Variants in CCDC63 observed in about 807,000 individuals in gnomAD.
CCDC63 encodes the protein coiled-coil domain containing 63.
In CCDC63, 54 loss-of-function variants were observed where a neutral mutation model predicts 63.6. The ratio of observed to expected loss-of-function variants is 0.85; its 90% CI spans 0.68 to 1.07. The LOEUF (loss-of-function observed/expected upper bound fraction) is 1.07. Ranked by LOEUF, CCDC63 falls within the 50% of genes least tolerant of loss-of-function variation. The pLI, the probability that CCDC63 is intolerant of heterozygous loss-of-function variation, is 0.00. For missense variants in CCDC63, 637 were observed against 689.6 expected, an observed-to-expected ratio of 0.92 and a Z score of 0.86; for synonymous variants, 253 against 266.1, an observed-to-expected ratio of 0.95 and a Z score of 0.48.
chr12:110,875,022 T>C (rs1014175429), intron 5 of CCDC63, among the ~76,000 whole-genome samples: 2 of 152,228 alleles, frequency 1.3e-5, no homozygotes, highest in Non-Finnish European at 2.9e-5. Context: ...AGAAAGCCTG[T>C]CATTCCTTCA....
At chr12:110,880,452 A>T (rs1191146228) in intron 6 of CCDC63, among the ~76,000 whole-genome samples, 1 of 151,946 alleles carries the variant, frequency 6.6e-6, no homozygotes, top group Non-Finnish European at 1.5e-5. Context: ...GTCCAAGGGG[A>T]TCTTTCTCAA....
At chr12:110,885,777 G>A (rs1311240256) in intron 8 of CCDC63, among the ~76,000 whole-genome samples, 2 of 152,166 alleles carry the variant, frequency 1.3e-5, no homozygotes, top group Admixed American at 6.6e-5. Flanking sequence ...TTTGCAATAT[G>A]TCACTGTTTC....
At chr12:110,851,721 T>C (rs2070708068) in intron 1 of CCDC63, among the ~76,000 whole-genome samples, 1 of 152,154 alleles carries the variant, frequency 6.6e-6, no homozygotes, top group Non-Finnish European at 1.5e-5. Flanking sequence ...ACCCTGCACC[T>C]TCGCCCTCTG....
chr12:110,858,928 G>A (rs1004810135), intron 4 of CCDC63, among the ~76,000 whole-genome samples, 153 bp downstream of exon 4: 2 of 152,006 alleles, frequency 1.3e-5, no homozygotes, highest in Admixed American at 6.6e-5. Flanking sequence ...CTATCGTCTC[G>A]CTACCCTTGA....
chr12:110,869,570 G>A (rs147189197), intron 4 of CCDC63, among the ~76,000 whole-genome samples: 280 of 152,250 alleles, frequency 1.8e-3, no homozygotes, highest in African/African-American at 6.5e-3. Context: ...GAAGATATTT[G>A]GGTGTGGGCT....
chr12:110,897,678 G>A (rs772852691), intron 9 of CCDC63, among the ~76,000 whole-genome samples: 2 of 150,002 alleles, frequency 1.3e-5, no homozygotes, highest in African/African-American at 2.5e-5. Context: ...CACAACATAC[G>A]TATGTATGTT....
At chr12:110,906,715 A>G (rs1240941736) in intron 11 of CCDC63, among the ~76,000 whole-genome samples, 1 of 152,050 alleles carries the variant, frequency 6.6e-6, no homozygotes, top group African/African-American at 2.4e-5. Context: ...AGGAGACTGA[A>G]ACGCAGCAGG....
intron 4 of CCDC63, among the ~76,000 whole-genome samples, chr12:110,867,675 C>G (rs1430797780): frequency 4.2e-5 from 5 of 117,920 alleles, no homozygotes; most frequent in African/African-American, 6.8e-5. Context: ...CCTCACCTCC[C>G]AGACGGGGCG....
At chr12:110,897,284 A>T (rs1463765744) in intron 9 of CCDC63, among the ~76,000 whole-genome samples, 1 of 151,814 alleles carries the variant, frequency 6.6e-6, no homozygotes. Context: ...TTATTAAAAA[A>T]AAAAAAAAAG....
At chr12:110,906,543 G>A (rs759231791) in intron 11 of CCDC63, among the ~76,000 whole-genome samples, 12 of 151,834 alleles carry the variant, frequency 7.9e-5, no homozygotes, top group South Asian at 2.1e-4. Flanking sequence ...TAGTAAGTAG[G>A]GGAAAAAATC....
At chr12:110,893,990 C>CA (rs35844792) in intron 9 of CCDC63, among the ~76,000 whole-genome samples, 20,412 of 117,304 alleles carry the variant, frequency 0.17, 1,899 homozygotes, top group East Asian at 0.29. Context: ...GACCCTGTCT[C>CA]AAAAAAAAAA....
In CCDC63 at chr12:110,881,189, T is replaced by C; in HGVS notation, c.746T>C (p.Ile249Thr). Reference sequence around the variant, plus strand: ...GACACCTCTCAGTACAACCTGGAGATCCGAGAGCTGGAGCGTCTCTATGCC... The same window carrying C: ...GACACCTCTCAGTACAACCTGGAGACCCGAGAGCTGGAGCGTCTCTATGCC... ...KKDTSQYNLE[I>T]RELERLYAHE... Residue 249 changes from isoleucine (I) to threonine (T), a missense_variant, in exon 7 of 12, where the codon ATC (isoleucine) becomes ACC (threonine). Physicochemically the swap from Ile to Thr is moderately conservative, Grantham distance 89 (BLOSUM62 -1). Coordinates refer to ENST00000308208, the MANE Select transcript of CCDC63 (RefSeq NM_152591.3). 6.2e-7 allele frequency: 1 copy of C among 1,613,540 alleles called. No homozygotes were observed. Among genetic ancestry groups the C allele is most frequent in the Non-Finnish European group, 8.5e-7 (1 of 1,179,976 alleles).
At chr12:110,870,776 C>G (rs190210804) in intron 4 of CCDC63, among the ~76,000 whole-genome samples, 1 of 152,176 alleles carries the variant, frequency 6.6e-6, no homozygotes, top group African/African-American at 2.4e-5. Flanking sequence ...CCCTCCCTTG[C>G]CTCTTTTATT....
intron 4 of CCDC63, among the ~76,000 whole-genome samples, chr12:110,866,460 C>G (rs1444715929): frequency 6.9e-6 from 1 of 145,766 alleles, no homozygotes; most frequent in Non-Finnish European, 1.5e-5. Context: ...GCAGAGGACC[C>G]TGCGGCCTTC....
At chr12:110,874,668 A>G (rs2071108603) in intron 5 of CCDC63, among the ~76,000 whole-genome samples, 1 of 152,202 alleles carries the variant, frequency 6.6e-6, no homozygotes, top group Non-Finnish European at 1.5e-5. Flanking sequence ...CTTTTTCCTA[A>G]GAGTTTAATG....
chr12:110,861,652 A>G (rs1422618650), intron 4 of CCDC63, among the ~76,000 whole-genome samples: 3 of 150,240 alleles, frequency 2.0e-5, no homozygotes, highest in Non-Finnish European at 4.4e-5. Flanking sequence ...GCTCACTGCA[A>G]CCTCCACCTC....
At chr12:110,904,849 T>G (rs2071538797) in intron 11 of CCDC63, 58 bp downstream of exon 11, 14 of 1,401,756 alleles carry the variant, frequency 1.0e-5, no homozygotes, top group Middle Eastern at 1.8e-4. Context: ...CCTTCAGGTC[T>G]GGGGAGACCG....
intron 5 of CCDC63, among the ~76,000 whole-genome samples, chr12:110,878,213 TA>T (rs1343788186): frequency 2.0e-5 from 3 of 152,190 alleles, no homozygotes; most frequent in Non-Finnish European, 4.4e-5. Context: ...TACATACATA[TA>T]TATACCTATA....
At chr12:110,848,294 G>A (rs1025104008) in intron 1 of CCDC63, among the ~76,000 whole-genome samples, 6 of 152,172 alleles carry the variant, frequency 3.9e-5, no homozygotes, top group African/African-American at 9.7e-5. Context: ...TGGACTATGA[G>A]TTTCAGACCC....
Sources: allele counts gnomAD v4.1 joint callset (sites outside exome capture counted in the v4.1 genomes callset), GRCh38; gene constraint gnomAD v4.1.1; transcripts MANE v1.5; gene names NCBI Gene and HGNC (gene_info 2026-07-23, HGNC 2026-07-21).